Variants in CAPN13 observed in about 807,000 individuals in gnomAD.
CAPN13 encodes the protein calpain 13.
In CAPN13, 90 loss-of-function variants were observed where a neutral mutation model predicts 98.4. The observed-to-expected ratio is 0.92, with a 90% confidence interval of 0.77 to 1.09. The LOEUF is 1.09. CAPN13 is among the 50% of genes least tolerant of loss of function. The pLI, the probability that CAPN13 is intolerant of heterozygous loss-of-function variation, is 0.00. For missense variants in CAPN13, 887 were observed against 841.3 expected (o/e 1.05, Z -0.67); for synonymous variants, 330 against 305.5 (o/e 1.08, Z -0.84).
intron 2 of CAPN13, among the ~76,000 whole-genome samples, chr2:30,781,570 G>A (rs985086967): frequency 1.4e-4 from 21 of 152,066 alleles, no homozygotes; most frequent in Non-Finnish European, 2.9e-5. Context: ...AAAGATAAAC[G>A]GAAAATTTGC....
intron 3 of CAPN13, 34 bp from the exon 4 acceptor site, chr2:30,776,079 G>T: frequency 7.0e-7 from 1 of 1,433,920 alleles, no homozygotes; most frequent in Non-Finnish European, 9.7e-7. Flanking sequence ...AAGGCTGATT[G>T]GACACACTTG....
chr2:30,759,061 TCCC>T (rs760497211), intron 7 of CAPN13, among the ~76,000 whole-genome samples: 1,863 of 11,842 alleles, frequency 0.16, 63 homozygotes, highest in East Asian at 0.39. Context: ...CTTCCCTCCC[TCCC>T]TCCCTCCTCC....
chr2:30,792,958 A>G (rs1156454514), intron 1 of CAPN13, among the ~76,000 whole-genome samples: 1 of 151,990 alleles, frequency 6.6e-6, no homozygotes, highest in Non-Finnish European at 1.5e-5. Flanking sequence ...AAAGCTACAA[A>G]GACATAATTT....
intron 11 of CAPN13, among the ~76,000 whole-genome samples, chr2:30,748,741 T>C (rs1011146744): frequency 6.6e-6 from 1 of 152,074 alleles, no homozygotes; most frequent in Non-Finnish European, 1.5e-5. Context: ...CCAGGTGTGA[T>C]GAAAATAACA....
At position 30,731,323 on chromosome 2, in the gene CAPN13, G is replaced by A. The variant is rs181518409; in HGVS notation, c.1983+21C>T. On this transcript the variant is annotated intron_variant, in intron 21 of 22. Transcript: ENST00000295055. Reference sequence around the variant, plus strand: ...GGCAGCCTGGGACTGTGCCTGCCCCGGGGAGGGGAAGGTACCTCACCTCCA... The same window carrying A: ...GGCAGCCTGGGACTGTGCCTGCCCCAGGGAGGGGAAGGTACCTCACCTCCA... The A allele has an allele frequency of 8.4e-5, 135 of 1,598,260 alleles. 2 individuals are homozygous for A. In the Admixed American group the frequency reaches 1.3e-3, roughly 15 times the overall value.
At chr2:30,758,181 A>G (rs374277212) in intron 7 of CAPN13, 44 bp from the exon 8 acceptor site, 2 of 1,451,500 alleles carry the variant, frequency 1.4e-6, no homozygotes, top group African/African-American at 2.9e-5. Flanking sequence ...CTACAGCAAA[A>G]GTCAGCAGAA....
intron 1 of CAPN13, among the ~76,000 whole-genome samples, chr2:30,799,544 C>T (rs903869287): frequency 7.2e-5 from 11 of 152,162 alleles, no homozygotes; most frequent in Non-Finnish European, 1.0e-4. Context: ...GTTTAGGCAG[C>T]GCTTGGGCTT....
chr2:30,765,143 G>C (rs1487036082), intron 5 of CAPN13, among the ~76,000 whole-genome samples: 1 of 152,192 alleles, frequency 6.6e-6, no homozygotes, highest in Non-Finnish European at 1.5e-5. Context: ...CAGGAGAGAG[G>C]GTGGCCTGAT....
intron 11 of CAPN13, among the ~76,000 whole-genome samples, chr2:30,750,337 G>A (rs543252662): frequency 2.1e-4 from 32 of 152,196 alleles, no homozygotes; most frequent in African/African-American, 7.7e-4. Flanking sequence ...GAGCGGGGCA[G>A]AAAAGATGAC....
At position 30,745,806 on chromosome 2, in the gene CAPN13, C is replaced by T. The variant is rs533693411; in HGVS notation, c.1237-72G>A. On this transcript the variant is annotated intron_variant, in intron 11 of 22. Transcript: ENST00000295055. ...CAAAAAGGCAAGCAGAACCGAACAG[C>T]TTGGCTCATTGGTTTCATCCCTGCA... is the stretch of plus-strand genomic sequence containing the variant. 4 of 1,379,508 alleles carry T rather than the reference C, an allele frequency of 2.9e-6. No individual in the cohort carries two copies. In the East Asian group the frequency reaches 9.6e-5, roughly 33 times the overall value. The allele number at this position is 1,379,508 out of a possible 1,614,324, so 85.5% of individuals were successfully genotyped here. A position where few individuals can be genotyped will look rare whatever the true frequency, so the allele number is the denominator to read the frequency against.
chr2:30,758,982 TCCCCCCTTGCCCCTA>T (rs1672645803), intron 7 of CAPN13, among the ~76,000 whole-genome samples: 1 of 124,352 alleles, frequency 8.0e-6, no homozygotes, highest in Non-Finnish European at 1.7e-5. Context: ...TTTCCTTTCT[TCCCCCCTTGCCCCTA>T]TCCTTTTCCC....
At chr2:30,806,518 G>A (rs1049532996) in intron 1 of CAPN13, among the ~76,000 whole-genome samples, 1 of 152,122 alleles carries the variant, frequency 6.6e-6, no homozygotes, top group African/African-American at 2.4e-5. Flanking sequence ...GCCACTCGGG[G>A]GTAACCAAAG....
chr2:30,746,219 C>T (rs778479163), intron 11 of CAPN13, among the ~76,000 whole-genome samples: 10 of 152,264 alleles, frequency 6.6e-5, no homozygotes, highest in Non-Finnish European at 1.5e-4. Context: ...GTTTTAAACA[C>T]TGACATATCA....
At chr2:30,803,476 G>A (rs934398542) in intron 1 of CAPN13, among the ~76,000 whole-genome samples, 1 of 152,198 alleles carries the variant, frequency 6.6e-6, no homozygotes, top group Admixed American at 6.5e-5. Flanking sequence ...AGAGGGCAGA[G>A]TGCTGCCAGA....
At chr2:30,750,605 C>T (rs991113873) in intron 11 of CAPN13, among the ~76,000 whole-genome samples, 9 of 152,270 alleles carry the variant, frequency 5.9e-5, no homozygotes, top group African/African-American at 2.2e-4. Context: ...ACCTCCCCTC[C>T]TGGATTTATA....
chr2:30,800,626 G>C (rs550777560), intron 1 of CAPN13, among the ~76,000 whole-genome samples: 4 of 152,198 alleles, frequency 2.6e-5, no homozygotes, highest in African/African-American at 4.8e-5. Flanking sequence ...TCTACTGTAA[G>C]ATTCTGTATT....
chr2:30,775,182 T>C (rs536328353), intron 4 of CAPN13, among the ~76,000 whole-genome samples: 4 of 152,298 alleles, frequency 2.6e-5, no homozygotes, highest in African/African-American at 7.2e-5. Flanking sequence ...GTTTAATATA[T>C]GGTAAGTAGT....
chr2:30,742,006 A>T, intron 14 of CAPN13, 42 bp from the exon 15 acceptor site: 1 of 1,576,922 alleles, frequency 6.3e-7, no homozygotes, highest in Middle Eastern at 1.7e-4. Context: ...CTTCTGGGGA[A>T]GGAGGCCACC....
rs1029331940 is a variant in CAPN13, at chr2:30,760,244, C to T, written c.775-2107G>A. On this transcript the variant is annotated intron_variant, in intron 7 of 22. Transcript: ENST00000295055. ...ACCACAGGCAGGTACCCGCCTAATGCCCGGCTAATCTTTTGTATTTTTAGT... is the reference window on the plus strand; with the variant it reads ...ACCACAGGCAGGTACCCGCCTAATGTCCGGCTAATCTTTTGTATTTTTAGT... 2.6e-5 allele frequency among the ~76,000 whole-genome samples: 4 copies of T among 152,190 alleles called. No individual in the cohort carries two copies. In the East Asian group the frequency reaches 5.8e-4, roughly 22 times the overall value.
Sources: allele counts gnomAD v4.1 joint callset (sites outside exome capture counted in the v4.1 genomes callset), GRCh38; gene constraint gnomAD v4.1.1; transcripts MANE v1.5; gene names NCBI Gene and HGNC (gene_info 2026-07-23, HGNC 2026-07-21).